NTN1: variants seen among roughly 807,000 people sequenced by gnomAD.
The protein encoded by NTN1 is netrin 1.
A neutral mutation model predicts 54.2 loss-of-function variants in NTN1; 11 were observed. That is an observed-to-expected ratio of 0.20 (90% CI 0.13 to 0.34). NTN1 has a LOEUF of 0.34. Among genes scored for constraint, NTN1 ranks in the 10% least tolerant of loss-of-function variants. The pLI, the probability that NTN1 is intolerant of heterozygous loss-of-function variation, is 1.00. For synonymous variants in NTN1, 371 were observed against 382.0 expected, an observed-to-expected ratio of 0.97 and a Z score of 0.33; for missense variants, 740 against 893.1, an observed-to-expected ratio of 0.83 and a Z score of 2.18.
At chr17:9,009,646 T>G in the NTN1 span, among the ~76,000 whole-genome samples, 1 of 152,260 alleles carries the variant, frequency 6.6e-6, no homozygotes, top group South Asian at 2.1e-4. Flanking sequence ...ATACCTCATT[T>G]TACTGACATT....
At chr17:9,033,293 C>T (rs2091893352) in intron 2 of NTN1, among the ~76,000 whole-genome samples, 1 of 152,090 alleles carries the variant, frequency 6.6e-6, no homozygotes, top group Non-Finnish European at 1.5e-5. Context: ...GACTTGCCAT[C>T]CTGGTACCCA....
chr17:9,123,923 G>A (rs1350562903), intron 2 of NTN1, among the ~76,000 whole-genome samples: 4 of 152,140 alleles, frequency 2.6e-5, no homozygotes, highest in East Asian at 1.9e-4. Context: ...TGAAAACACC[G>A]GGAGCGCTTA....
chr17:9,068,101 A>G (rs1475502254), intron 2 of NTN1, among the ~76,000 whole-genome samples: 1 of 152,166 alleles, frequency 6.6e-6, no homozygotes, highest in South Asian at 2.1e-4. Context: ...ATAAATGTTC[A>G]TTGGATGAAT....
chr17:9,104,194 C>T (rs917928197), intron 2 of NTN1, among the ~76,000 whole-genome samples: 3 of 151,388 alleles, frequency 2.0e-5, no homozygotes, highest in East Asian at 1.9e-4. Flanking sequence ...GGTGGTTGCC[C>T]GAGGTTAGGG....
chr17:9,224,692 C>T (rs1023612993), intron 6 of NTN1, among the ~76,000 whole-genome samples: 1 of 152,200 alleles, frequency 6.6e-6, no homozygotes, highest in African/African-American at 2.4e-5. Flanking sequence ...CTTTCTAGAC[C>T]TAATGGTGGT....
chr17:9,036,067 C>T (rs976774302), intron 2 of NTN1, among the ~76,000 whole-genome samples: 1 of 152,104 alleles, frequency 6.6e-6, no homozygotes, highest in African/African-American at 2.4e-5. Context: ...CACTATGTTA[C>T]CCAGGCTGGT....
chr17:9,167,630 G>A (rs1597514196), intron 3 of NTN1, among the ~76,000 whole-genome samples: 2 of 152,316 alleles, frequency 1.3e-5, no homozygotes, highest in East Asian at 3.9e-4. Context: ...GCAAGAAGAT[G>A]CAATAATTAG....
intron 3 of NTN1, chr17:9,172,947 A>G (rs953128618): frequency 1.3e-5 from 2 of 152,096 alleles, no homozygotes; most frequent in Non-Finnish European, 2.9e-5. Context: ...CACATGATAC[A>G]AACCCATAAG....
At chr17:9,195,599 CAGGTGGCCCAG>C in intron 5 of NTN1, among the ~76,000 whole-genome samples, 1 of 152,184 alleles carries the variant, frequency 6.6e-6, no homozygotes, top group East Asian at 1.9e-4. Context: ...AGAGAACCCC[CAGGTGGCCCAG>C]GCTCAGAGCT....
In NTN1 at chr17:9,241,358, CA is replaced by C; in HGVS notation, c.*1394del. The C allele has an allele frequency of 6.5e-6, 1 of 152,836 alleles. No homozygotes were observed. The allele number at this position is 152,836 out of a possible 1,614,324, so 9.5% of individuals were successfully genotyped here. A position where few individuals can be genotyped will look rare whatever the true frequency, so the allele number is the denominator to read the frequency against. On this transcript the variant is annotated 3_prime_UTR_variant, in exon 7 of 7. Coordinates refer to ENST00000173229, the MANE Select transcript of NTN1 (RefSeq NM_004822.3). Reference sequence around the variant, plus strand: ...CTCCACTGTGCCCCAGCCCTCCTTCCAAAATCTCCTAGAGACACGGTCCTCA... The same window carrying C: ...CTCCACTGTGCCCCAGCCCTCCTTCCAAATCTCCTAGAGACACGGTCCTCA...
At chr17:9,202,782 C>T (rs557800997) in intron 5 of NTN1, among the ~76,000 whole-genome samples, 1 of 152,334 alleles carries the variant, frequency 6.6e-6, no homozygotes, top group East Asian at 1.9e-4. Context: ...TCAGCCACGG[C>T]ACAAGGAATC....
chr17:9,234,539 C>T (rs1483064788), intron 6 of NTN1, among the ~76,000 whole-genome samples: 1 of 152,230 alleles, frequency 6.6e-6, no homozygotes, highest in Non-Finnish European at 1.5e-5. Flanking sequence ...CACCAGGGCT[C>T]AGTTAGGCTT....
chr17:9,101,788 T>C (rs538534913), intron 2 of NTN1, among the ~76,000 whole-genome samples: 17 of 151,792 alleles, frequency 1.1e-4, no homozygotes, highest in African/African-American at 3.6e-4. Context: ...AGGCCAGGAG[T>C]TTGAGAGCAG....
intron 2 of NTN1, among the ~76,000 whole-genome samples, chr17:9,156,651 C>T (rs1226153791): frequency 6.6e-6 from 1 of 152,216 alleles, no homozygotes; most frequent in Non-Finnish European, 1.5e-5. Flanking sequence ...TGTGCAAGGG[C>T]ACTACTTAGA....
upstream of NTN1, among the ~76,000 whole-genome samples, chr17:9,018,904 A>C (rs1248982935): frequency 6.6e-6 from 1 of 152,200 alleles, no homozygotes; most frequent in Admixed American, 6.5e-5. Context: ...ACGTTTGCTC[A>C]TTACCCCATA....
At chr17:9,036,020 T>G (rs1198786445) in intron 2 of NTN1, among the ~76,000 whole-genome samples, 1 of 107,482 alleles carries the variant, frequency 9.3e-6, no homozygotes, top group Non-Finnish European at 2.0e-5. Context: ...AGGCTCTATC[T>G]CAAAAAAGAA....
chr17:9,151,027 C>G (rs1304520265), intron 2 of NTN1, among the ~76,000 whole-genome samples: 1 of 152,130 alleles, frequency 6.6e-6, no homozygotes, highest in African/African-American at 2.4e-5. Flanking sequence ...AGCCTCTTTG[C>G]AGGGACCACG....
chr17:9,221,313 G>T lies in NTN1; in HGVS notation c.1486+71G>T. On this transcript the variant is annotated intron_variant, in intron 6 of 6. Transcript: ENST00000173229. The surrounding 1 kb of genome is among the most constrained non-coding windows in gnomAD (Gnocchi z 4.5). ...TGACCAGCGAGGTGCTGGGGCTGGG[G>T]TGCAGCTGGCCCCCGATGGGTGTTG... 4.0e-6 allele frequency: 5 copies of T among 1,239,208 alleles called. No individual in the cohort carries two copies. Among genetic ancestry groups the T allele is most frequent in the Non-Finnish European group, 6.0e-6 (5 of 839,208 alleles). 76.8% of individuals were successfully genotyped at this position (1,239,208 alleles called of 1,614,324 possible).
chr17:9,224,696 TG>T (rs1219533267), intron 6 of NTN1, among the ~76,000 whole-genome samples: 1 of 152,042 alleles, frequency 6.6e-6, no homozygotes, highest in Non-Finnish European at 1.5e-5. Flanking sequence ...CTAGACCTAA[TG>T]GTGGTTACCC....
Sources: gnomAD v4.1 joint callset for allele counts (sites outside exome capture counted in the v4.1 genomes callset) on GRCh38, gnomAD v4.1.1 for gene constraint, Gnocchi (gnomAD v3.1) non-coding constraint, MANE v1.5 for transcripts, NCBI Gene and HGNC (gene_info 2026-07-23, HGNC 2026-07-21) for gene names.